WWOX: variants seen among roughly 807,000 people sequenced by gnomAD.
The protein encoded by WWOX is WW domain containing oxidoreductase, also known as WW domain-containing oxidoreductase.
A neutral mutation model predicts 46.2 loss-of-function variants in WWOX; 69 were observed. The observed-to-expected ratio is 1.49, with a 90% CI of 1.23 to 1.82. The LOEUF (loss-of-function observed/expected upper bound fraction) is 1.82, where lower values mean the gene tolerates loss of function less well. Among genes scored for constraint, WWOX ranks in the 40% most tolerant of loss-of-function variants. The pLI is 0.00. For missense variants in WWOX, 919 were observed against 542.6 expected (o/e 1.69, Z -6.89); for synonymous variants, 359 against 202.6 (o/e 1.77, Z -6.56).
chr16:78,598,651 C>G (rs557548865), intron 8 of WWOX, among the ~76,000 whole-genome samples: 7 of 152,126 alleles, frequency 4.6e-5, no homozygotes, highest in Non-Finnish European at 7.3e-5. Flanking sequence ...AAAGAAATCT[C>G]CTTTCAAAAA....
intron 8 of WWOX, among the ~76,000 whole-genome samples, chr16:78,988,791 A>G (rs1055276848): frequency 2.0e-5 from 3 of 151,488 alleles, no homozygotes; most frequent in Admixed American, 2.0e-4. Flanking sequence ...TCTGTGCCCC[A>G]CTCCCAGCCT....
intron 8 of WWOX, among the ~76,000 whole-genome samples, chr16:79,193,402 A>T (rs543602810): frequency 6.6e-6 from 1 of 152,148 alleles, no homozygotes; most frequent in African/African-American, 2.4e-5. Context: ...TTTATTCTTT[A>T]TGCCTCACTG....
intron 8 of WWOX, among the ~76,000 whole-genome samples, chr16:78,847,072 T>A (rs1449212591): frequency 6.6e-6 from 1 of 152,250 alleles, no homozygotes. Flanking sequence ...CACTTTCTTA[T>A]TTTTTGGCAC....
At chr16:78,801,175 A>G (rs899092227) in intron 8 of WWOX, among the ~76,000 whole-genome samples, 6 of 151,834 alleles carry the variant, frequency 4.0e-5, no homozygotes, top group African/African-American at 1.5e-4. Context: ...TACTCATCTC[A>G]AGTGGTTTCT....
intron 3 of WWOX, among the ~76,000 whole-genome samples, chr16:78,114,500 G>T (rs772924188): frequency 6.6e-6 from 1 of 152,148 alleles, no homozygotes; most frequent in Non-Finnish European, 1.5e-5. Flanking sequence ...AATGAAAATC[G>T]TTAGAATTTT....
intron 8 of WWOX, among the ~76,000 whole-genome samples, chr16:79,033,322 A>C (rs2047802389): frequency 6.7e-6 from 1 of 148,306 alleles, no homozygotes; most frequent in South Asian, 2.1e-4. Context: ...ATGTATAGAG[A>C]GTCTATTATA....
chr16:78,305,020 T>G (rs2080107273), intron 5 of WWOX, among the ~76,000 whole-genome samples: 1 of 151,978 alleles, frequency 6.6e-6, no homozygotes, highest in Non-Finnish European at 1.5e-5. Flanking sequence ...AACATACTGA[T>G]AACTTGGCAG....
chr16:78,538,021 A>T (rs1322641235), intron 8 of WWOX, among the ~76,000 whole-genome samples: 1 of 152,044 alleles, frequency 6.6e-6, no homozygotes, highest in Non-Finnish European at 1.5e-5. Context: ...ATGAGGGTTG[A>T]ATTATAGGGC....
intron 8 of WWOX, among the ~76,000 whole-genome samples, chr16:78,961,457 G>GTGGA (rs940090519): frequency 6.3e-4 from 95 of 151,754 alleles, no homozygotes; most frequent in South Asian, 6.1e-3. Context: ...GGATGGATGG[G>GTGGA]TGGATGGATG....
intron 5 of WWOX, among the ~76,000 whole-genome samples, chr16:78,171,419 A>G (rs920582749): frequency 1.6e-4 from 24 of 152,238 alleles, no homozygotes; most frequent in African/African-American, 5.8e-4. Context: ...CTTAAGTCCC[A>G]TGATTTGCCT....
At chr16:78,300,781 C>G (rs766810370) in intron 5 of WWOX, among the ~76,000 whole-genome samples, 3 of 152,140 alleles carry the variant, frequency 2.0e-5, no homozygotes, top group African/African-American at 4.8e-5. Flanking sequence ...AAAGTTGACT[C>G]TGTTTGGGAC....
intron 8 of WWOX, among the ~76,000 whole-genome samples, chr16:79,052,084 G>A (rs1290198790): frequency 1.5e-4 from 22 of 148,922 alleles, no homozygotes; most frequent in South Asian, 4.2e-4. Context: ...ACATGTGCAC[G>A]TTGTGCAGGT....
In WWOX at chr16:78,663,783, A is replaced by G. The variant is rs75416567; in HGVS notation, c.1056+231031A>G. 4.1e-3 allele frequency among the ~76,000 whole-genome samples: 617 copies of G among 152,288 alleles called. 6 individuals are homozygous for G. Among genetic ancestry groups the G allele is most frequent in the African/African-American group, 0.014 (572 of 41,550 alleles). On this transcript the variant is annotated intron_variant, in intron 8 of 8. Coordinates refer to ENST00000566780, the MANE Select transcript of WWOX (RefSeq NM_016373.4). ...GACATTTGAACTACACCCTGAATGA[A>G]GAGAGCCATGCAAAGACCTCAGCAA... is the stretch of plus-strand genomic sequence containing the variant.
At chr16:78,445,261 C>G (rs1245492896) in intron 8 of WWOX, among the ~76,000 whole-genome samples, 1 of 152,176 alleles carries the variant, frequency 6.6e-6, no homozygotes, top group Non-Finnish European at 1.5e-5. Flanking sequence ...GGATTTGGGG[C>G]ATTAGCGAGT....
At chr16:78,113,024 A>G (rs758776168) in intron 3 of WWOX, among the ~76,000 whole-genome samples, 1 of 152,116 alleles carries the variant, frequency 6.6e-6, no homozygotes, top group Non-Finnish European at 1.5e-5. Context: ...TAAATTTTTT[A>G]TGTAGTCAAA....
At chr16:78,878,590 A>G (rs185282822) in intron 8 of WWOX, among the ~76,000 whole-genome samples, 2 of 152,278 alleles carry the variant, frequency 1.3e-5, no homozygotes, top group East Asian at 3.9e-4. Flanking sequence ...CAGGGTTGCT[A>G]TGAGGATATC....
rs1184751156 is a variant in WWOX at position 78,261,278 on chromosome 16, G to GATACATAC, written c.516+96992_516+96993insCATACATA. ...GTGTGGTAAGGTAGATAGATAGATA[G>GATACATAC]ATAGATACATACATACATACATACA... On this transcript the variant is annotated intron_variant, in intron 5 of 8. Transcript: ENST00000566780. 3.0e-4 allele frequency among the ~76,000 whole-genome samples: 43 copies of GATACATAC among 143,532 alleles called. 1 individual carries two copies. Among genetic ancestry groups the GATACATAC allele is most frequent in the Admixed American group, 1.2e-3 (18 of 14,426 alleles). The allele number at this position is 143,532 out of a possible 152,430, so 94.2% of individuals were successfully genotyped here. A position where few individuals can be genotyped will look rare whatever the true frequency, so the allele number is the denominator to read the frequency against.
At chr16:78,499,271 G>C (rs1000749352) in intron 8 of WWOX, among the ~76,000 whole-genome samples, 1 of 152,146 alleles carries the variant, frequency 6.6e-6, no homozygotes, top group Non-Finnish European at 1.5e-5. Flanking sequence ...AGCAAGCTAC[G>C]ATGTTCTTAT....
At chr16:78,139,201 C>G (rs1228383268) in intron 4 of WWOX, among the ~76,000 whole-genome samples, 1 of 152,144 alleles carries the variant, frequency 6.6e-6, no homozygotes, top group Non-Finnish European at 1.5e-5. Context: ...CAGTAGCTAT[C>G]TAGGAGAGAG....
Sources: gnomAD v4.1 joint callset for allele counts (sites outside exome capture counted in the v4.1 genomes callset) on GRCh38, gnomAD v4.1.1 for gene constraint, MANE v1.5 for transcripts, NCBI Gene and HGNC (gene_info 2026-07-23, HGNC 2026-07-21) for gene names.